LRMDA: variants seen among roughly 807,000 people sequenced by gnomAD.
LRMDA encodes the protein leucine-rich melanocyte differentiation-associated protein.
In LRMDA, 18 loss-of-function variants were observed where a neutral mutation model predicts 29.8. That is an observed-to-expected ratio of 0.60 (90% CI 0.42 to 0.90). The LOEUF (loss-of-function observed/expected upper bound fraction) is 0.90, where lower values mean the gene tolerates loss of function less well. Among genes scored for constraint, LRMDA ranks in the 40% least tolerant of loss-of-function variants. The pLI is 0.00. For synonymous variants in LRMDA, 125 were observed against 109.4 expected, an observed-to-expected ratio of 1.14 and a Z score of -0.89; for missense variants, 273 against 273.9, an observed-to-expected ratio of 1.00 and a Z score of 0.02.
At chr10:75,915,246 C>A (rs959332689) in intron 2 of LRMDA, among the ~76,000 whole-genome samples, 1 of 149,754 alleles carries the variant, frequency 6.7e-6, no homozygotes, top group Non-Finnish European at 1.5e-5. Context: ...AGCAATTCTC[C>A]TGCCTCAGCC....
At chr10:76,477,703 G>GATATAGACCA (rs1158051743) in intron 6 of LRMDA, among the ~76,000 whole-genome samples, 6 of 151,946 alleles carry the variant, frequency 3.9e-5, no homozygotes, top group Non-Finnish European at 5.9e-5. Context: ...CCAAAGCAGA[G>GATATAGACCA]ATATAGACCA....
chr10:76,553,820 C>T (rs1271631773), intron 6 of LRMDA, among the ~76,000 whole-genome samples: 2 of 152,106 alleles, frequency 1.3e-5, no homozygotes, highest in African/African-American at 4.8e-5. Flanking sequence ...CGATTCTTAG[C>T]ATTGCTAGCC....
intron 2 of LRMDA, among the ~76,000 whole-genome samples, chr10:75,937,047 T>C (rs1219424173): frequency 2.0e-5 from 3 of 152,196 alleles, no homozygotes; most frequent in Non-Finnish European, 4.4e-5. Context: ...ATGACTCATA[T>C]AGTTTTTACT....
intron 5 of LRMDA, among the ~76,000 whole-genome samples, chr10:76,127,995 G>T (rs1421012221): frequency 6.6e-6 from 1 of 152,140 alleles, no homozygotes; most frequent in Non-Finnish European, 1.5e-5. Flanking sequence ...GCCAACTACT[G>T]GTTCAGATCA....
chr10:75,633,443 T>C lies in LRMDA; in HGVS notation c.131+194949T>C, dbSNP rs571484874. Among the ~76,000 whole-genome samples the C allele has an allele frequency of 2.1e-4, 32 of 152,342 alleles. 1 individual carries two copies. In the South Asian group the frequency reaches 6.2e-3, roughly 30 times the overall value. ...CCCTGTGTGGGTTTGTATTCTTTAGTCCCAGCTGTTTGTGATAATTCACTG... is the reference window on the plus strand; with the variant it reads ...CCCTGTGTGGGTTTGTATTCTTTAGCCCCAGCTGTTTGTGATAATTCACTG... On this transcript the variant is annotated intron_variant, in intron 2 of 6. Transcript: ENST00000611255.
intron 2 of LRMDA, among the ~76,000 whole-genome samples, chr10:75,889,475 A>G (rs902000931): frequency 6.6e-5 from 10 of 152,178 alleles, no homozygotes; most frequent in African/African-American, 1.9e-4. Context: ...TTCTGGTGTT[A>G]GGGGTATTGC....
intron 2 of LRMDA, among the ~76,000 whole-genome samples, chr10:75,931,313 T>A (rs915964737): frequency 6.6e-6 from 1 of 152,146 alleles, no homozygotes; most frequent in Non-Finnish European, 1.5e-5. Context: ...GGCAGGAAGG[T>A]CACTGCCAAA....
chr10:76,396,033 T>C (rs1010177499), intron 6 of LRMDA, among the ~76,000 whole-genome samples: 2 of 152,216 alleles, frequency 1.3e-5, no homozygotes, highest in African/African-American at 2.4e-5. Context: ...TAGATTGGAA[T>C]TGATGAGTTA....
At chr10:76,246,236 G>T (rs1041107432) in intron 5 of LRMDA, among the ~76,000 whole-genome samples, 33 of 152,192 alleles carry the variant, frequency 2.2e-4, no homozygotes, top group Admixed American at 1.0e-3. Flanking sequence ...ATTAGGAGGG[G>T]TGAGTTTGGT....
intron 2 of LRMDA, among the ~76,000 whole-genome samples, chr10:75,656,565 A>G (rs1432924074): frequency 6.6e-6 from 1 of 152,082 alleles, no homozygotes; most frequent in Non-Finnish European, 1.5e-5. Context: ...TGGAGGCAGG[A>G]AGATGACTCC....
At chr10:76,096,550 C>T (rs941121320) in intron 5 of LRMDA, among the ~76,000 whole-genome samples, 4 of 151,940 alleles carry the variant, frequency 2.6e-5, no homozygotes. Context: ...AGTAGAAGTC[C>T]TCTGATTTTG....
rs115523406 is a variant in LRMDA at position 75,624,795 on chromosome 10, G to T, written c.131+186301G>T. Among the ~76,000 whole-genome samples the T allele has an allele frequency of 1.6e-3, 239 of 152,268 alleles. 4 individuals carry two copies. Among genetic ancestry groups the T allele is most frequent in the African/African-American group, 5.8e-3 (239 of 41,538 alleles). On this transcript the variant is annotated intron_variant, in intron 2 of 6. Transcript: ENST00000611255. Reference sequence around the variant, plus strand: ...TGATAAATTTTCACTTGTGCATCCTGCTCCAGGTAATTAATTGCTTTCAGT... The same window carrying T: ...TGATAAATTTTCACTTGTGCATCCTTCTCCAGGTAATTAATTGCTTTCAGT...
chr10:76,180,025 G>A (rs1422200382), intron 5 of LRMDA, among the ~76,000 whole-genome samples: 1 of 152,160 alleles, frequency 6.6e-6, no homozygotes, highest in Non-Finnish European at 1.5e-5. Flanking sequence ...GGGGTCGTTA[G>A]CTTTCGCTGT....
chr10:76,223,429 C>T (rs79757083), intron 5 of LRMDA, among the ~76,000 whole-genome samples: 2,863 of 152,196 alleles, frequency 0.019, 100 homozygotes, highest in African/African-American at 0.062. Flanking sequence ...TCCCTTGAGG[C>T]TCCTACCTCT....
intron 4 of LRMDA, 98 bp downstream of exon 4, chr10:76,047,401 A>G (rs1056074691): frequency 5.7e-6 from 7 of 1,221,822 alleles, no homozygotes; most frequent in Non-Finnish European, 7.7e-6. Context: ...TGTTTGGTAC[A>G]TATCAGTGGG....
At chr10:76,225,796 A>G (rs1345440165) in intron 5 of LRMDA, among the ~76,000 whole-genome samples, 1 of 151,576 alleles carries the variant, frequency 6.6e-6, no homozygotes, top group Non-Finnish European at 1.5e-5. Flanking sequence ...CTACATATGT[A>G]TACATGTGCC....
chr10:75,854,720 C>A (rs185403068), intron 2 of LRMDA, among the ~76,000 whole-genome samples: 3,083 of 151,422 alleles, frequency 0.02, 89 homozygotes, highest in African/African-American at 0.066. Context: ...CCTCCCCACT[C>A]CCCCCACCCC....
chr10:76,115,753 G>A (rs1589333750), intron 5 of LRMDA, among the ~76,000 whole-genome samples: 1 of 152,244 alleles, frequency 6.6e-6, no homozygotes, highest in East Asian at 1.9e-4. Context: ...TGTCCCCAAG[G>A]GCTATCTTGG....
chr10:76,311,832 A>G (rs968117098), intron 5 of LRMDA, among the ~76,000 whole-genome samples: 5 of 152,238 alleles, frequency 3.3e-5, no homozygotes, highest in Non-Finnish European at 1.5e-5. Context: ...AAATAGCCAC[A>G]GTTGAACAGT....
Sources: allele counts gnomAD v4.1 joint callset (sites outside exome capture counted in the v4.1 genomes callset), GRCh38; gene constraint gnomAD v4.1.1; transcripts MANE v1.5; gene names NCBI Gene and HGNC (gene_info 2026-07-23, HGNC 2026-07-21).